The following CMYA5 variants were observed in gnomAD, a reference collection of about 807,000 sequenced individuals.
CMYA5 encodes the protein cardiomyopathy-associated protein 5.
A neutral mutation model predicts 318.9 loss-of-function variants in CMYA5; 246 were observed. That is an observed-to-expected ratio of 0.77 (90% CI 0.70 to 0.86). CMYA5 has a LOEUF of 0.86. Ranked by LOEUF, CMYA5 falls within the 40% of genes least tolerant of loss-of-function variation. The pLI is 0.00. For missense variants in CMYA5, 4,589 were observed against 4,678.2 expected, an observed-to-expected ratio of 0.98 and a Z score of 0.56; for synonymous variants, 1,641 against 1,729.5, an observed-to-expected ratio of 0.95 and a Z score of 1.27.
intron 9 of CMYA5, among the ~76,000 whole-genome samples, chr5:79,774,972 C>T (rs1828913712): frequency 6.6e-6 from 1 of 152,210 alleles, no homozygotes; most frequent in African/African-American, 2.4e-5. Flanking sequence ...GAGATTGGAG[C>T]TTCCTTGCAC....
rs376935273 is a variant in CMYA5 at position 79,767,806 on chromosome 5, A to C, written c.11555+4597A>C. ...TGATTTGGGGTGGAGAGTTCTGTAG[A>C]TGTCTATTAGGTCTGCTTGGTCCAG... On this transcript the variant is annotated intron_variant, in intron 9 of 12. Coordinates refer to ENST00000446378, the MANE Select transcript of CMYA5 (RefSeq NM_153610.5). Among the ~76,000 whole-genome samples, 56 of 152,344 alleles carry C rather than the reference A, an allele frequency of 3.7e-4. No homozygotes were observed. In the East Asian group the frequency reaches 9.7e-3, roughly 26 times the overall value.
At chr5:79,741,026 C>G (rs931285856) in intron 2 of CMYA5, among the ~76,000 whole-genome samples, 3 of 152,098 alleles carry the variant, frequency 2.0e-5, no homozygotes, top group African/African-American at 7.2e-5. Flanking sequence ...TAGTCATGCA[C>G]TGCCACACTG....
At chr5:79,746,547 TAAAAAA>T (rs11423461) in intron 4 of CMYA5, among the ~76,000 whole-genome samples, 3 of 68,912 alleles carry the variant, frequency 4.4e-5, no homozygotes, top group South Asian at 1.1e-3. Context: ...GAGCAAACTG[TAAAAAA>T]AAAAAAAAAA....
intron 1 of CMYA5, among the ~76,000 whole-genome samples, chr5:79,724,110 G>T (rs1302539343): frequency 2.0e-5 from 3 of 151,992 alleles, no homozygotes; most frequent in African/African-American, 7.2e-5. Context: ...CTGAGGTCAG[G>T]AGTTTGGGAC....
chr5:79,729,252 A>G lies in CMYA5; in HGVS notation c.487A>G (p.Thr163Ala), dbSNP rs745744183. 2 of 1,612,052 alleles carry G rather than the reference A, an allele frequency of 1.2e-6. No homozygotes were observed. Among genetic ancestry groups the G allele is most frequent in the Admixed American group, 1.7e-5 (1 of 59,550 alleles). The part of the protein sequence containing the change: ...RNSFESQDVP[T>A]NKKGSPLTSA... ...TTCTTTTGAATCCCAAGATGTTCCAACAAACAAAAAAGGCAGTCCTTTAAC... is the reference window on the plus strand; with the variant it reads ...TTCTTTTGAATCCCAAGATGTTCCAGCAAACAAAAAAGGCAGTCCTTTAAC... The change falls in exon 2 of 13, where the codon ACA becomes GCA. Residue 163 changes from threonine to alanine, a missense_variant. Around this residue, in one of 3 missense-constraint regions of CMYA5, gnomAD observed 2,132 missense variants for 2,131.3 expected, o/e 1.00. Transcript: ENST00000446378.
chr5:79,715,661 T>G (rs907667085), intron 1 of CMYA5, among the ~76,000 whole-genome samples: 1 of 151,994 alleles, frequency 6.6e-6, no homozygotes, highest in Non-Finnish European at 1.5e-5. Context: ...GAATCCAGGT[T>G]TCCTTACTCC....
Position 79,733,215 on chromosome 5 carries a change from G to A in CMYA5, c.4450G>A (p.Asp1484Asn), listed in dbSNP as rs1412965835. The change falls in exon 2 of 13, where the codon GAT (aspartate) becomes AAT (asparagine). Residue 1484 changes from aspartate (D) to asparagine (N), a missense_variant. Asp to Asn is a conservative substitution (Grantham distance 23, BLOSUM62 1). Around this residue, in one of 3 missense-constraint regions of CMYA5, gnomAD observed 2,132 missense variants for 2,131.3 expected, o/e 1.00. Coordinates refer to ENST00000446378, the MANE Select transcript of CMYA5 (RefSeq NM_153610.5). ...CAAAACATCATCTTCTCAGCATTCA[G>A]ATAAATCTGAGGAAGCAAGGGTAGA... The part of the protein sequence containing the change: ...VIKTSSSQHS[D>N]KSEEARVEDK... 1 of 1,613,692 alleles carries A rather than the reference G, an allele frequency of 6.2e-7. No individual in the cohort carries two copies.
intron 1 of CMYA5, among the ~76,000 whole-genome samples, chr5:79,713,089 C>T (rs1827429459): frequency 6.6e-6 from 1 of 152,170 alleles, no homozygotes; most frequent in Non-Finnish European, 1.5e-5. Context: ...CACTTGTATC[C>T]TCAGCCAAGG....
At chr5:79,709,452 G>A (rs1254431972) in intron 1 of CMYA5, among the ~76,000 whole-genome samples, 1 of 152,170 alleles carries the variant, frequency 6.6e-6, no homozygotes, top group Non-Finnish European at 1.5e-5. Flanking sequence ...TGGAACTGCA[G>A]TGATCAGTGA....
chr5:79,702,017 T>C (rs1387552177), intron 1 of CMYA5, among the ~76,000 whole-genome samples: 2 of 152,028 alleles, frequency 1.3e-5, no homozygotes, highest in Non-Finnish European at 2.9e-5. Flanking sequence ...GGCAGGAGAA[T>C]GGCATGAACC....
intron 3 of CMYA5, 116 bp from the exon 4 acceptor site, chr5:79,745,106 T>A (rs1352294688): frequency 1.5e-6 from 1 of 658,140 alleles, no homozygotes; most frequent in East Asian, 2.7e-5. Flanking sequence ...GATGTCTGAT[T>A]CTCTGATCAG....
At position 79,741,201 on chromosome 5, in the gene CMYA5, T is replaced by A. The variant is rs116262722; in HGVS notation, c.10638+1798T>A. On this transcript the variant is annotated intron_variant, in intron 2 of 12. Coordinates refer to ENST00000446378, the MANE Select transcript of CMYA5 (RefSeq NM_153610.5). Reference sequence around the variant, plus strand: ...TCTTAAGTTCTTTATATACAGGATATCTTTTAGTCTTTCTAACAGCTCTGT... The same window carrying A: ...TCTTAAGTTCTTTATATACAGGATAACTTTTAGTCTTTCTAACAGCTCTGT... Among the ~76,000 whole-genome samples, 351 of 152,228 alleles carry A rather than the reference T, an allele frequency of 2.3e-3. 2 individuals carry two copies. The highest frequency in any genetic ancestry group is 7.9e-3 in the African/African-American group (328 of 41,526).
chr5:79,693,366 A>C (rs1048303842), intron 1 of CMYA5, among the ~76,000 whole-genome samples: 8 of 138,022 alleles, frequency 5.8e-5, no homozygotes, highest in African/African-American at 1.1e-4. Flanking sequence ...TTGAGGTAGG[A>C]TCTCACTCTG....
intron 1 of CMYA5, among the ~76,000 whole-genome samples, chr5:79,701,346 T>C (rs1463840735): frequency 1.3e-5 from 2 of 152,126 alleles, no homozygotes; most frequent in Non-Finnish European, 2.9e-5. Flanking sequence ...TCAAAATATC[T>C]AGAAGAAAAT....
chr5:79,787,966 A>G (rs1829109489), intron 9 of CMYA5, among the ~76,000 whole-genome samples: 1 of 152,008 alleles, frequency 6.6e-6, no homozygotes, highest in Non-Finnish European at 1.5e-5. Flanking sequence ...AACAGTGACC[A>G]CTCTTGGATT....
chr5:79,721,550 CTAAAGTA>C (rs1484581269), intron 1 of CMYA5, among the ~76,000 whole-genome samples: 1 of 151,940 alleles, frequency 6.6e-6, no homozygotes, highest in African/African-American at 2.4e-5. Flanking sequence ...AGCAACATAT[CTAAAGTA>C]TAAAGATATA....
intron 1 of CMYA5, among the ~76,000 whole-genome samples, chr5:79,725,870 C>T (rs189782983): frequency 1.3e-4 from 20 of 152,236 alleles, no homozygotes; most frequent in African/African-American, 4.3e-4. Context: ...CAACCCTGCA[C>T]TCCAGCCTGG....
In CMYA5 at chr5:79,764,599, A is replaced by G. The variant is rs182776194; in HGVS notation, c.11555+1390A>G. ...TTCCACAATGGTTGAACTAATTTAC[A>G]CTCCCACCAACAGTGTAAAAGCATT... On this transcript the variant is annotated intron_variant, in intron 9 of 12. Coordinates refer to ENST00000446378, the MANE Select transcript of CMYA5 (RefSeq NM_153610.5). Among the ~76,000 whole-genome samples the G allele has an allele frequency of 2.6e-3, 391 of 152,076 alleles. 3 individuals carry two copies. The highest frequency in any genetic ancestry group is 9.1e-3 in the African/African-American group (376 of 41,480).
At chr5:79,789,194 A>C (rs1429360407) in intron 10 of CMYA5, 90 bp downstream of exon 10, 58 of 1,446,310 alleles carry the variant, frequency 4.0e-5, no homozygotes, top group Non-Finnish European at 5.0e-5. Flanking sequence ...GCAACTTTAT[A>C]AACTCCCAAC....
Sources: allele counts gnomAD v4.1 joint callset (sites outside exome capture counted in the v4.1 genomes callset), GRCh38; gene constraint gnomAD v4.1.1; regional missense constraint gnomAD v4.1.1; transcripts MANE v1.5; gene names NCBI Gene and HGNC (gene_info 2026-07-23, HGNC 2026-07-21).